Variants in CCN6 observed in about 807,000 individuals in gnomAD.
CCN6 encodes CCN family member 6.
CCN6 carries 31 observed loss-of-function variants against 37.4 expected under a neutral mutation model. That is an observed-to-expected ratio of 0.83 (90% CI 0.62 to 1.12). The LOEUF (loss-of-function observed/expected upper bound fraction) is 1.12. CCN6 is among the 50% of genes most tolerant of loss of function. The pLI is 0.00. For missense variants in CCN6, 369 were observed against 413.8 expected (o/e 0.89, Z 0.94); for synonymous variants, 137 against 142.1 (o/e 0.96, Z 0.26).
chr6:112,062,386 T>G (rs1776553558), intron 2 of CCN6, among the ~76,000 whole-genome samples: 1 of 152,224 alleles, frequency 6.6e-6, no homozygotes, highest in African/African-American at 2.4e-5. Context: ...AGGCAGGTTA[T>G]TTCATTAAAC....
At chr6:112,061,821 G>A (rs1776533174) in intron 2 of CCN6, among the ~76,000 whole-genome samples, 1 of 152,184 alleles carries the variant, frequency 6.6e-6, no homozygotes, top group Admixed American at 6.5e-5. Flanking sequence ...TCAGCCTTAT[G>A]TGACTAAGTT....
intron 4 of CCN6, among the ~76,000 whole-genome samples, chr6:112,068,994 C>T (rs1776786463): frequency 6.6e-6 from 1 of 152,048 alleles, no homozygotes; most frequent in African/African-American, 2.4e-5. Context: ...CCACTGAAAA[C>T]TGTCTGGGCT....
intron 4 of CCN6, 33 bp downstream of exon 4, chr6:112,068,431 A>AT: frequency 6.4e-7 from 1 of 1,555,834 alleles, no homozygotes; most frequent in Non-Finnish European, 8.7e-7. Flanking sequence ...TTAATTCAAT[A>AT]TTAAGAGATT....
At chr6:112,059,950 T>C in intron 1 of CCN6, 1 of 1,335,890 alleles carries the variant, frequency 7.5e-7, no homozygotes, top group African/African-American at 1.5e-5. Context: ...TCACAAAGAG[T>C]GGTCAAAGAG....
chr6:112,061,417 C>A (rs1359496320), intron 2 of CCN6, 129 bp downstream of exon 2: 4 of 1,149,080 alleles, frequency 3.5e-6, no homozygotes, highest in Non-Finnish European at 5.2e-6. Context: ...TTTCATGCAC[C>A]AGTGGGACTG....
intron 4 of CCN6, among the ~76,000 whole-genome samples, chr6:112,068,919 TATC>T (rs1776783705): frequency 6.6e-6 from 1 of 152,166 alleles, no homozygotes; most frequent in South Asian, 2.1e-4. Context: ...AGTTATTCTC[TATC>T]ATATTAGCAA....
intron 2 of CCN6, 71 bp from the exon 3 acceptor site, chr6:112,064,684 G>C: frequency 6.2e-7 from 1 of 1,608,396 alleles, no homozygotes; most frequent in Non-Finnish European, 8.5e-7. Context: ...TTCTTCTTAG[G>C]TTTATAATTG....
At chr6:112,064,711 C>T (rs371475109) in intron 2 of CCN6, 44 bp from the exon 3 acceptor site, 3 of 1,613,408 alleles carry the variant, frequency 1.9e-6, no homozygotes, top group Admixed American at 3.3e-5. Context: ...TAGACTATCA[C>T]AGATCATGGC....
At chr6:112,053,559 C>A (rs1554311117), upstream of CCN6, among the ~76,000 whole-genome samples, 1 of 151,582 alleles carries the variant, frequency 6.6e-6, no homozygotes, top group African/African-American at 2.4e-5. Flanking sequence ...TGATTGCTAC[C>A]AGTGTAATTG....
chr6:112,064,298 A>T (rs781829545), intron 2 of CCN6, among the ~76,000 whole-genome samples: 10 of 152,202 alleles, frequency 6.6e-5, no homozygotes, highest in Non-Finnish European at 1.3e-4. Context: ...CATCAGAGGA[A>T]GGGAAACTCT....
At position 112,064,900 on chromosome 6, in the gene CCN6, C is replaced by T; in HGVS notation, c.492C>T (p.His164=). 1.2e-6 allele frequency: 2 copies of T among 1,614,130 alleles called. No homozygotes were observed. The highest frequency in any genetic ancestry group is 1.7e-6 in the Non-Finnish European group (2 of 1,179,978). The change falls in exon 3 of 5, where the codon CAC becomes CAT. Residue 164 remains histidine, a synonymous_variant. Transcript: ENST00000368666. ...TCATACCAAAGCTGGCTGGCAGTCA[C>T]TGCTCTGGAGCTAAAGGTGGAAAGA... ...PLFIPKLAGS[H]CSGAKGGKKS...
rs116760707 is a variant in CCN6, at chr6:112,067,024, A to G, written c.590-1181A>G. ...CATTGAGGTCTTTAAACTGTTGTCT[A>G]CCTTCCAGGTATCTTCACGTTTCTG... On this transcript the variant is annotated intron_variant, in intron 3 of 4. Coordinates refer to ENST00000368666, the MANE Select transcript of CCN6 (RefSeq NM_198239.2). The G allele has an allele frequency of 1.3e-3, 1,736 of 1,366,282 alleles. 22 individuals are homozygous for G. The African/African-American group carries it at 0.022, about 17-fold the overall frequency. The allele number at this position is 1,366,282 out of a possible 1,614,324, so 84.6% of individuals were successfully genotyped here.
chr6:112,065,620 ACG>A (rs1562597710), intron 3 of CCN6, among the ~76,000 whole-genome samples: 4 of 131,018 alleles, frequency 3.1e-5, no homozygotes, highest in Non-Finnish European at 3.4e-5. Flanking sequence ...GCACACACAC[ACG>A]CACGCACACA....
intron 1 of CCN6, among the ~76,000 whole-genome samples, chr6:112,056,875 A>G (rs1302959221): frequency 6.6e-6 from 1 of 151,060 alleles, no homozygotes; most frequent in Non-Finnish European, 1.5e-5. Flanking sequence ...TTTCCTTTCA[A>G]CATTGTCTTT....
chr6:112,068,928 A>C (rs1554314610), intron 4 of CCN6, among the ~76,000 whole-genome samples: 1 of 152,202 alleles, frequency 6.6e-6, no homozygotes, highest in Non-Finnish European at 1.5e-5. Context: ...CTATCATATT[A>C]GCAAGTTGAC....
At chr6:112,065,609 C>CAT (rs71553349) in intron 3 of CCN6, among the ~76,000 whole-genome samples, 12 of 106,482 alleles carry the variant, frequency 1.1e-4, no homozygotes, top group Admixed American at 6.8e-4. Context: ...CAAACACACA[C>CAT]GCACACACAC....
chr6:112,061,379 G>C, intron 2 of CCN6, 91 bp downstream of exon 2: 1 of 1,568,010 alleles, frequency 6.4e-7, no homozygotes. Flanking sequence ...GATCAGCTTA[G>C]TTTGGCTAAA....
chr6:112,055,956 T>C (rs1000948381), intron 1 of CCN6, among the ~76,000 whole-genome samples: 24 of 152,176 alleles, frequency 1.6e-4, no homozygotes, highest in Admixed American at 6.5e-5. Context: ...ATTAATCCCA[T>C]ATTACAGAGG....
intron 1 of CCN6, among the ~76,000 whole-genome samples, chr6:112,057,741 G>A (rs1776389971): frequency 6.6e-6 from 1 of 152,124 alleles, no homozygotes; most frequent in East Asian, 1.9e-4. Context: ...CAAGGGTGTG[G>A]GTGAGATTGC....
Sources: gnomAD v4.1 joint callset for allele counts (sites outside exome capture counted in the v4.1 genomes callset) on GRCh38, gnomAD v4.1.1 for gene constraint, MANE v1.5 for transcripts, NCBI Gene and HGNC (gene_info 2026-07-23, HGNC 2026-07-21) for gene names.